Variants in NCK1 observed in about 807,000 individuals in gnomAD.
The protein encoded by NCK1 is NCK adaptor protein 1.
A neutral mutation model predicts 36.6 loss-of-function variants in NCK1; 19 were observed. The observed-to-expected ratio is 0.52, with a 90% CI of 0.36 to 0.76. The LOEUF (loss-of-function observed/expected upper bound fraction) is 0.76, where lower values mean the gene tolerates loss of function less well. Among genes scored for constraint, NCK1 ranks in the 30% least tolerant of loss-of-function variants. NCK1 has a pLI of 0.00. For missense variants in NCK1, 358 were observed against 445.6 expected (o/e 0.80, Z 1.77); for synonymous variants, 165 against 156.0 (o/e 1.06, Z -0.43).
At chr3:136,917,232 C>CTTTTTT (rs11455373) in intron 1 of NCK1, among the ~76,000 whole-genome samples, 1 of 139,214 alleles carries the variant, frequency 7.2e-6, no homozygotes, top group African/African-American at 2.7e-5. Context: ...ACATTATGAG[C>CTTTTTT]TTTTTTTTTT....
At chr3:136,894,456 C>A (rs909251295) in intron 1 of NCK1, among the ~76,000 whole-genome samples, 1 of 152,154 alleles carries the variant, frequency 6.6e-6, no homozygotes, top group African/African-American at 2.4e-5. Flanking sequence ...TTTAATGCAC[C>A]ACTTTATGAT....
chr3:136,918,534 A>G (rs964877807), intron 1 of NCK1, among the ~76,000 whole-genome samples: 1 of 152,150 alleles, frequency 6.6e-6, no homozygotes, highest in Non-Finnish European at 1.5e-5. Flanking sequence ...GGATTTTGGT[A>G]TTGGGGAGGA....
intron 2 of NCK1, 31 bp from the exon 3 acceptor site, chr3:136,945,552 C>A: frequency 1.1e-5 from 15 of 1,350,706 alleles, no homozygotes; most frequent in Non-Finnish European, 1.4e-5. Context: ...TTTTTATATT[C>A]TCCTCTCATG....
At chr3:136,892,570 G>C (rs1483582432) in intron 1 of NCK1, among the ~76,000 whole-genome samples, 1 of 152,242 alleles carries the variant, frequency 6.6e-6, no homozygotes, top group Non-Finnish European at 1.5e-5. Context: ...ACAAAGAACA[G>C]ATTCTTCTCT....
At position 136,925,008 on chromosome 3, in the gene NCK1, G is replaced by A. The variant is rs1940202767; in HGVS notation, c.-18-2976G>A. Reference sequence around the variant, plus strand: ...TCCCCCACCAAAAATTAGGGGGATAGCTGAACCACAAGGCATAATATTGAT... The same window carrying A: ...TCCCCCACCAAAAATTAGGGGGATAACTGAACCACAAGGCATAATATTGAT... On this transcript the variant is annotated intron_variant, in intron 1 of 3. Transcript: ENST00000481752. Among the ~76,000 whole-genome samples the A allele has an allele frequency of 1.3e-5, 2 of 152,160 alleles. 1 individual carries two copies. The highest frequency in any genetic ancestry group is 4.1e-4 in the South Asian group (2 of 4,828).
At chr3:136,863,707 ATG>A (rs936455690) in intron 1 of NCK1, among the ~76,000 whole-genome samples, 5 of 152,332 alleles carry the variant, frequency 3.3e-5, no homozygotes, top group African/African-American at 1.2e-4. Context: ...AAATTTTAAA[ATG>A]TGTACTTATT....
At chr3:136,872,036 G>A (rs773188428) in intron 1 of NCK1, among the ~76,000 whole-genome samples, 3 of 152,100 alleles carry the variant, frequency 2.0e-5, no homozygotes, top group Non-Finnish European at 2.9e-5. Context: ...CAGTAAATTG[G>A]TACCAGTAGA....
At chr3:136,862,678 C>T (rs1421551121) in intron 1 of NCK1, among the ~76,000 whole-genome samples, 2 of 151,862 alleles carry the variant, frequency 1.3e-5, no homozygotes, top group African/African-American at 4.8e-5. Context: ...GAGTGTGCGG[C>T]GCGCTGGTTG....
chr3:136,902,948 T>C (rs1246248192), intron 1 of NCK1, among the ~76,000 whole-genome samples: 1 of 151,982 alleles, frequency 6.6e-6, no homozygotes, highest in Non-Finnish European at 1.5e-5. Flanking sequence ...GTTCTGTAAA[T>C]GTCTGTTAGG....
chr3:136,913,738 G>A (rs570981471), intron 1 of NCK1, among the ~76,000 whole-genome samples: 3 of 152,174 alleles, frequency 2.0e-5, no homozygotes, highest in East Asian at 3.9e-4. Flanking sequence ...GCGCGATCTC[G>A]GCCCACTGCA....
intron 1 of NCK1, among the ~76,000 whole-genome samples, chr3:136,870,711 C>A (rs1938591072): frequency 7.2e-6 from 1 of 138,538 alleles, no homozygotes; most frequent in African/African-American, 2.7e-5. Context: ...AAAAAAAGGC[C>A]TGTGAGGTCT....
intron 1 of NCK1, among the ~76,000 whole-genome samples, chr3:136,910,510 G>A (rs554477902): frequency 6.6e-6 from 1 of 152,282 alleles, no homozygotes; most frequent in South Asian, 2.1e-4. Context: ...ACAAACTAAA[G>A]TTACAGTAAT....
chr3:136,946,101 G>T lies in NCK1; in HGVS notation c.745G>T (p.Val249Phe). 1.2e-6 allele frequency: 2 copies of T among 1,613,860 alleles called. No homozygotes were observed. Among genetic ancestry groups the T allele is most frequent in the Non-Finnish European group, 1.7e-6 (2 of 1,179,970 alleles). Residue 249 changes from valine (V) to phenylalanine (F), a missense_variant, in exon 3 of 4, where the codon GTT becomes TTT. Physicochemically the swap from Val to Phe is conservative, Grantham distance 50 (BLOSUM62 -1). This residue lies in a region of NCK1 where 207 missense variants were observed against 253.4 expected (regional missense o/e 0.82). Transcript: ENST00000481752. ...VGLVPKNYVT[V>F]MQNNPLTSGL... Reference sequence around the variant, plus strand: ...TCTAGTACCAAAAAACTATGTTACCGTTATGCAGAATAATCCATTAACTTC... The same window carrying T: ...TCTAGTACCAAAAAACTATGTTACCTTTATGCAGAATAATCCATTAACTTC...
At chr3:136,877,931 C>T (rs1938819756) in intron 1 of NCK1, among the ~76,000 whole-genome samples, 1 of 152,046 alleles carries the variant, frequency 6.6e-6, no homozygotes, top group Middle Eastern at 3.2e-3. Context: ...TGTCCATCAG[C>T]TGATAAATGG....
At chr3:136,898,084 A>G (rs1376388092) in intron 1 of NCK1, among the ~76,000 whole-genome samples, 1 of 152,150 alleles carries the variant, frequency 6.6e-6, no homozygotes, top group Non-Finnish European at 1.5e-5. Context: ...TTTATCATGA[A>G]GTGTGGACAG....
intron 1 of NCK1, among the ~76,000 whole-genome samples, chr3:136,918,599 G>A (rs1359668164): frequency 2.0e-5 from 3 of 152,154 alleles, no homozygotes; most frequent in Non-Finnish European, 4.4e-5. Context: ...TGGCCTGCGG[G>A]CTGCATGCAG....
chr3:136,889,594 C>T (rs1576954964), intron 1 of NCK1, among the ~76,000 whole-genome samples: 1 of 152,126 alleles, frequency 6.6e-6, no homozygotes, highest in East Asian at 1.9e-4. Flanking sequence ...CTTATCTGGC[C>T]CCACCCACAT....
At chr3:136,885,581 A>C (rs1266274662) in intron 1 of NCK1, among the ~76,000 whole-genome samples, 1 of 152,208 alleles carries the variant, frequency 6.6e-6, no homozygotes, top group Non-Finnish European at 1.5e-5. Flanking sequence ...CTGCAATTAC[A>C]GGTGTGAGCC....
intron 1 of NCK1, chr3:136,889,282 T>C: frequency 5.6e-6 from 1 of 178,254 alleles, no homozygotes; most frequent in South Asian, 1.7e-4. Flanking sequence ...ACTTCAAGAA[T>C]GAAGCCGCGG....
Sources: allele counts gnomAD v4.1 joint callset (sites outside exome capture counted in the v4.1 genomes callset), GRCh38; gene constraint gnomAD v4.1.1; regional missense constraint gnomAD v4.1.1; transcripts MANE v1.5; gene names NCBI Gene and HGNC (gene_info 2026-07-23, HGNC 2026-07-21).